The following TEAD1 variants were observed in gnomAD, a reference collection of about 807,000 sequenced individuals.
TEAD1 encodes transcriptional enhancer factor TEF-1.
In TEAD1, 9 loss-of-function variants were observed where a neutral mutation model predicts 54.9. The ratio of observed to expected loss-of-function variants is 0.16; its 90% CI spans 0.10 to 0.29. The LOEUF is 0.29. Among genes scored for constraint, TEAD1 ranks in the 10% least tolerant of loss-of-function variants. The pLI, the probability that TEAD1 is intolerant of heterozygous loss-of-function variation, is 1.00. For missense variants in TEAD1, 387 were observed against 535.9 expected, an observed-to-expected ratio of 0.72 and a Z score of 2.74; for synonymous variants, 200 against 187.8, an observed-to-expected ratio of 1.07 and a Z score of -0.53.
intron 9 of TEAD1, among the ~76,000 whole-genome samples, chr11:12,887,159 C>T (rs1294236706): frequency 1.4e-5 from 2 of 147,450 alleles, no homozygotes; most frequent in East Asian, 2.1e-4. Context: ...TGCGGTGGCG[C>T]GATCTTGGCT....
chr11:12,794,876 C>T (rs978603722), intron 3 of TEAD1, among the ~76,000 whole-genome samples: 1 of 152,214 alleles, frequency 6.6e-6, no homozygotes, highest in Non-Finnish European at 1.5e-5. Context: ...GGCGCTTATC[C>T]CTAGTACCTC....
At chr11:12,884,209 C>T (rs534135324) in intron 9 of TEAD1, among the ~76,000 whole-genome samples, 1 of 152,204 alleles carries the variant, frequency 6.6e-6, no homozygotes, top group East Asian at 1.9e-4. Context: ...CCCTTCTTTC[C>T]CACCCAACAA....
rs1031950220 is a variant in TEAD1 at position 12,934,377 on chromosome 11, G to A, written c.1168-2732G>A. 3.5e-4 allele frequency among the ~76,000 whole-genome samples: 53 copies of A among 152,148 alleles called. 1 individual carries two copies. Among genetic ancestry groups the A allele is most frequent in the African/African-American group, 1.1e-3 (47 of 41,496 alleles). On this transcript the variant is annotated intron_variant, in intron 12 of 12. Coordinates refer to ENST00000527636, the MANE Select transcript of TEAD1 (RefSeq NM_021961.6). Reference sequence around the variant, plus strand: ...CACAGGAAGGGGAACATCACACACCGGGGCCTGTTGTGGGGTGGGAGTAGA... The same window carrying A: ...CACAGGAAGGGGAACATCACACACCAGGGCCTGTTGTGGGGTGGGAGTAGA...
At position 12,754,944 on chromosome 11, in the gene TEAD1, G is replaced by A. The variant is rs74472648; in HGVS notation, c.-54-9235G>A. ...CATAGAAGCTGGTGGAGAAGGCCCTGGACTACTTTTGTATGCAAAGTAGGG... is the reference window on the plus strand; with the variant it reads ...CATAGAAGCTGGTGGAGAAGGCCCTAGACTACTTTTGTATGCAAAGTAGGG... On this transcript the variant is annotated intron_variant, in intron 2 of 12. Coordinates refer to ENST00000527636, the MANE Select transcript of TEAD1 (RefSeq NM_021961.6). Among the ~76,000 whole-genome samples, 1,192 of 152,298 alleles carry A rather than the reference G, an allele frequency of 7.8e-3. 21 individuals are homozygous for A. The highest frequency in any genetic ancestry group is 0.027 in the African/African-American group (1,139 of 41,562).
chr11:12,846,117 AG>A (rs1416394411), intron 3 of TEAD1, among the ~76,000 whole-genome samples: 1 of 152,228 alleles, frequency 6.6e-6, no homozygotes, highest in Non-Finnish European at 1.5e-5. Flanking sequence ...ATTACAGTGC[AG>A]GCATGCTGGG....
intron 10 of TEAD1, among the ~76,000 whole-genome samples, chr11:12,910,839 C>T (rs1327335233): frequency 2.0e-5 from 3 of 146,722 alleles, no homozygotes; most frequent in African/African-American, 5.1e-5. Context: ...CTCTGCCTGT[C>T]GGGTTCAAGC....
At chr11:12,893,581 C>T (rs1225113235) in intron 9 of TEAD1, among the ~76,000 whole-genome samples, 1 of 152,206 alleles carries the variant, frequency 6.6e-6, no homozygotes, top group African/African-American at 2.4e-5. Context: ...CCCCACGCAC[C>T]TTCCTGGTTG....
chr11:12,702,823 A>G (rs1247856600), intron 2 of TEAD1, among the ~76,000 whole-genome samples: 5 of 152,160 alleles, frequency 3.3e-5, no homozygotes, highest in Admixed American at 2.0e-4. Context: ...TTATCCGATA[A>G]TGCACTTACA....
intron 12 of TEAD1, 87 bp from the exon 13 acceptor site, chr11:12,937,022 C>A: frequency 1.1e-6 from 1 of 902,722 alleles, no homozygotes; most frequent in Non-Finnish European, 1.8e-6. Context: ...AAGACTTGTT[C>A]TTCTCCAATT....
Position 12,714,826 on chromosome 11 carries a change from G to A in TEAD1, c.-55+39265G>A, listed in dbSNP as rs1370723375. Among the ~76,000 whole-genome samples the A allele has an allele frequency of 4.6e-5, 7 of 152,106 alleles. No individual in the cohort carries two copies. In the East Asian group the frequency reaches 1.3e-3, roughly 29 times the overall value. Reference sequence around the variant, plus strand: ...CTTGGGTGGTCTCTCCTCTGTGTGTGTCCCTAGTGTCTCTATGTCCCAGTC... The same window carrying A: ...CTTGGGTGGTCTCTCCTCTGTGTGTATCCCTAGTGTCTCTATGTCCCAGTC... On this transcript the variant is annotated intron_variant, in intron 2 of 12. Coordinates refer to ENST00000527636, the MANE Select transcript of TEAD1 (RefSeq NM_021961.6).
chr11:12,675,709 C>G (rs539237473), intron 2 of TEAD1, 148 bp downstream of exon 2: 59 of 152,288 alleles, frequency 3.9e-4, no homozygotes, highest in African/African-American at 1.3e-3. Flanking sequence ...AGTTTAACTT[C>G]TGTGACTTTT....
intron 2 of TEAD1, among the ~76,000 whole-genome samples, chr11:12,700,666 C>T (rs912394761): frequency 2.0e-5 from 3 of 151,962 alleles, no homozygotes; most frequent in Non-Finnish European, 2.9e-5. Context: ...TTTCCCTCAC[C>T]GTGGTATGAG....
intron 3 of TEAD1, among the ~76,000 whole-genome samples, chr11:12,852,756 A>G (rs1947301868): frequency 6.6e-6 from 1 of 151,682 alleles, no homozygotes; most frequent in South Asian, 2.1e-4. Flanking sequence ...CCTCCATTAA[A>G]TCTCATCTAC....
rs545736692 is a variant in TEAD1, at chr11:12,739,826, A to G, written c.-54-24353A>G. Among the ~76,000 whole-genome samples the G allele has an allele frequency of 3.9e-5, 6 of 152,182 alleles. 1 individual carries two copies. In the South Asian group the frequency reaches 1.2e-3, roughly 32 times the overall value. On this transcript the variant is annotated intron_variant, in intron 2 of 12. Coordinates refer to ENST00000527636, the MANE Select transcript of TEAD1 (RefSeq NM_021961.6). The stretch of plus-strand genomic sequence containing the variant: ...GCAAATACAAAGAACACCTGTATCT[A>G]CTCCCCATCCCAAATATTGGTCCAT...
chr11:12,881,795 C>T (rs1389095465), intron 7 of TEAD1, 101 bp from the exon 8 acceptor site: 13 of 1,204,338 alleles, frequency 1.1e-5, no homozygotes, highest in Admixed American at 6.8e-5. Flanking sequence ...GGGACCACAG[C>T]GGTGAAGGAC....
chr11:12,879,909 G>T, intron 6 of TEAD1, 67 bp downstream of exon 6: 1 of 1,605,982 alleles, frequency 6.2e-7, no homozygotes. Context: ...CCAGTGTTAA[G>T]CCTCCCACCT....
At chr11:12,685,810 C>A (rs1226587647) in intron 2 of TEAD1, among the ~76,000 whole-genome samples, 1 of 152,144 alleles carries the variant, frequency 6.6e-6, no homozygotes, top group Non-Finnish European at 1.5e-5. Context: ...GAAGAGGAGA[C>A]ACCTGGAAGG....
Position 12,814,966 on chromosome 11 carries a change from C to T in TEAD1, c.203-47284C>T, listed in dbSNP as rs377214871. 1.0e-3 allele frequency among the ~76,000 whole-genome samples: 152 copies of T among 152,236 alleles called. 1 individual carries two copies. The highest frequency in any genetic ancestry group is 3.5e-3 in the African/African-American group (147 of 41,532). ...ATATGCGTTTTTCTTTCATTATTCT[C>T]AGAAACAGGCATCCAGTGCAGAACG... On this transcript the variant is annotated intron_variant, in intron 3 of 12. Coordinates refer to ENST00000527636, the MANE Select transcript of TEAD1 (RefSeq NM_021961.6).
chr11:12,916,820 C>T (rs1471108994), intron 10 of TEAD1, among the ~76,000 whole-genome samples: 1 of 152,282 alleles, frequency 6.6e-6, no homozygotes, highest in East Asian at 1.9e-4. Flanking sequence ...AAACTTGAAT[C>T]TTGGGAAGCA....
Sources: allele counts gnomAD v4.1 joint callset (sites outside exome capture counted in the v4.1 genomes callset), GRCh38; gene constraint gnomAD v4.1.1; transcripts MANE v1.5; gene names NCBI Gene and HGNC (gene_info 2026-07-23, HGNC 2026-07-21).